The following GPR158 variants were observed in gnomAD, a reference collection of about 807,000 sequenced individuals.
The protein encoded by GPR158 is metabotropic glycine receptor.
A neutral mutation model predicts 78.2 loss-of-function variants in GPR158; 30 were observed. That is an observed-to-expected ratio of 0.38 (90% CI 0.29 to 0.52). The LOEUF (loss-of-function observed/expected upper bound fraction) is 0.52, where lower values mean the gene tolerates loss of function less well. Among genes scored for constraint, GPR158 ranks in the 20% least tolerant of loss-of-function variants. GPR158 has a pLI of 0.83. For missense variants in GPR158, 1,463 were observed against 1,523.5 expected (o/e 0.96, Z 0.66); for synonymous variants, 581 against 591.1 (o/e 0.98, Z 0.25).
At chr10:25,262,646 A>C (rs1013807408) in intron 2 of GPR158, among the ~76,000 whole-genome samples, 1 of 152,130 alleles carries the variant, frequency 6.6e-6, no homozygotes, top group Non-Finnish European at 1.5e-5. Context: ...TATCCCTCAC[A>C]TGTGGAACCT....
intron 6 of GPR158, among the ~76,000 whole-genome samples, chr10:25,566,529 C>T (rs537102382): frequency 3.3e-5 from 5 of 152,064 alleles, no homozygotes; most frequent in Non-Finnish European, 7.4e-5. Context: ...TTCCTTATTC[C>T]GTCTACCTTC....
chr10:25,494,457 A>AATC (rs1835852098), intron 5 of GPR158, among the ~76,000 whole-genome samples: 1 of 152,204 alleles, frequency 6.6e-6, no homozygotes, highest in African/African-American at 2.4e-5. Context: ...TCATTAGTAT[A>AATC]ATCATGTATT....
intron 2 of GPR158, among the ~76,000 whole-genome samples, chr10:25,353,127 TTAAC>T (rs1442848509): frequency 1.3e-5 from 2 of 152,058 alleles, no homozygotes; most frequent in African/African-American, 2.4e-5. Flanking sequence ...AGTAATGACT[TTAAC>T]TATCTACAAA....
chr10:25,538,071 T>A (rs1044642882), intron 5 of GPR158, among the ~76,000 whole-genome samples: 8 of 152,184 alleles, frequency 5.3e-5, no homozygotes, highest in Non-Finnish European at 8.8e-5. Context: ...ATGAAAAAAA[T>A]TTTTACCATA....
intron 5 of GPR158, among the ~76,000 whole-genome samples, chr10:25,528,474 T>C (rs1220871317): frequency 1.3e-5 from 2 of 152,100 alleles, no homozygotes; most frequent in Non-Finnish European, 2.9e-5. Flanking sequence ...GTCAGGGTTC[T>C]AGGATATTCC....
chr10:25,594,112 A>T (rs1837372683), intron 8 of GPR158, 180 bp from the exon 9 acceptor site: 1 of 521,568 alleles, frequency 1.9e-6, no homozygotes, highest in African/African-American at 2.0e-5. Context: ...TTCATATATT[A>T]TGCATCAAAT....
intron 5 of GPR158, among the ~76,000 whole-genome samples, chr10:25,485,021 C>T (rs1033109721): frequency 4.0e-5 from 6 of 151,682 alleles, no homozygotes; most frequent in Non-Finnish European, 7.4e-5. Context: ...GTGATGTCTA[C>T]GTTTATCTCT....
intron 2 of GPR158, among the ~76,000 whole-genome samples, chr10:25,255,435 G>A (rs1564403654): frequency 2.0e-5 from 3 of 152,208 alleles, no homozygotes; most frequent in Non-Finnish European, 2.9e-5. Context: ...GCCTAGGCTG[G>A]ATGACCTGAC....
intron 5 of GPR158, among the ~76,000 whole-genome samples, chr10:25,519,511 C>T (rs1836228235): frequency 7.3e-6 from 1 of 136,138 alleles, no homozygotes; most frequent in South Asian, 2.4e-4. Flanking sequence ...GCAGCTGGTA[C>T]CGGTTGTTCC....
At chr10:25,378,234 A>G (rs1036880773) in intron 2 of GPR158, among the ~76,000 whole-genome samples, 2 of 152,170 alleles carry the variant, frequency 1.3e-5, no homozygotes, top group African/African-American at 4.8e-5. Flanking sequence ...TCACCAACTT[A>G]TCCCTTTAGA....
At chr10:25,318,275 A>G (rs762545044) in intron 2 of GPR158, among the ~76,000 whole-genome samples, 2 of 150,996 alleles carry the variant, frequency 1.3e-5, no homozygotes, top group African/African-American at 4.9e-5. Flanking sequence ...TTACTGTGCA[A>G]TTTCCAACAG....
chr10:25,355,023 C>T (rs1168802816), intron 2 of GPR158, among the ~76,000 whole-genome samples: 1 of 151,964 alleles, frequency 6.6e-6, no homozygotes, highest in Non-Finnish European at 1.5e-5. Flanking sequence ...TTATTAGATG[C>T]CTTGGGGTAG....
chr10:25,423,595 C>G (rs1297920548), intron 4 of GPR158, among the ~76,000 whole-genome samples: 1 of 152,094 alleles, frequency 6.6e-6, no homozygotes, highest in Non-Finnish European at 1.5e-5. Flanking sequence ...TCCAGGTGTT[C>G]TCATTGTTCA....
chr10:25,440,572 C>T (rs1470480121), intron 4 of GPR158, among the ~76,000 whole-genome samples: 4 of 152,126 alleles, frequency 2.6e-5, no homozygotes, highest in Non-Finnish European at 4.4e-5. Context: ...ACAGAAATAA[C>T]GTTCTTACTG....
chr10:25,376,321 T>C (rs1834079188), intron 2 of GPR158, among the ~76,000 whole-genome samples: 1 of 151,712 alleles, frequency 6.6e-6, no homozygotes, highest in East Asian at 1.9e-4. Context: ...TAGTAGTTTA[T>C]ACTTAAACAA....
intron 2 of GPR158, among the ~76,000 whole-genome samples, chr10:25,262,319 A>T (rs1853977914): frequency 6.6e-6 from 1 of 152,122 alleles, no homozygotes; most frequent in Non-Finnish European, 1.5e-5. Flanking sequence ...TTTCATAATA[A>T]TGGATAATTA....
intron 2 of GPR158, among the ~76,000 whole-genome samples, chr10:25,314,887 G>A (rs1435898869): frequency 2.2e-4 from 14 of 64,380 alleles, no homozygotes; most frequent in African/African-American, 7.1e-4. Context: ...ATATATATAT[G>A]ACTAATGAGT....
intron 5 of GPR158, among the ~76,000 whole-genome samples, chr10:25,529,163 C>T (rs1325260898): frequency 6.6e-6 from 1 of 151,874 alleles, no homozygotes; most frequent in Admixed American, 6.6e-5. Context: ...CTGAGGCAGG[C>T]GGATCACGAG....
chr10:25,571,990 A>G (rs921598564), intron 6 of GPR158, among the ~76,000 whole-genome samples: 4 of 152,206 alleles, frequency 2.6e-5, no homozygotes, highest in Non-Finnish European at 4.4e-5. Flanking sequence ...AGGTAATATG[A>G]AATGATTTTC....
Sources: gnomAD v4.1 joint callset for allele counts (sites outside exome capture counted in the v4.1 genomes callset) on GRCh38, gnomAD v4.1.1 for gene constraint, MANE v1.5 for transcripts, NCBI Gene and HGNC (gene_info 2026-07-23, HGNC 2026-07-21) for gene names.